The following MPG variants were observed in gnomAD, a reference collection of about 807,000 sequenced individuals.
MPG encodes the protein DNA-3-methyladenine glycosylase.
A neutral mutation model predicts 31.7 loss-of-function variants in MPG; 33 were observed. The ratio of observed to expected loss-of-function variants is 1.04; its 90% confidence interval spans 0.79 to 1.39. The LOEUF (loss-of-function observed/expected upper bound fraction) is 1.39. Ranked by LOEUF, MPG falls within the 40% of genes most tolerant of loss-of-function variation. The pLI, the probability that MPG is intolerant of heterozygous loss-of-function variation, is 0.00. For synonymous variants in MPG, 202 were observed against 169.2 expected (o/e 1.19, Z -1.51); for missense variants, 455 against 415.5 (o/e 1.10, Z -0.83).
intron 2 of MPG, among the ~76,000 whole-genome samples, 181 bp from the exon 3 acceptor site, chr16:82,871 T>G (rs3176417): frequency 6.6e-6 from 1 of 152,072 alleles, no homozygotes; most frequent in Non-Finnish European, 1.5e-5. Flanking sequence ...GTGCCCTCAA[T>G]AGCCACATTC....
chr16:80,978 G>C (rs1212085119), intron 2 of MPG, among the ~76,000 whole-genome samples: 2 of 152,184 alleles, frequency 1.3e-5, no homozygotes, highest in African/African-American at 2.4e-5. Context: ...GAGCCCATTG[G>C]TGGACAAGAT....
In MPG at chr16:81,785, C is replaced by T. The variant is rs373025039; in HGVS notation, c.301-1267C>T. Among the ~76,000 whole-genome samples, 22 of 58,890 alleles carry T rather than the reference C, an allele frequency of 3.7e-4. 3 individuals are homozygous for T. The South Asian group carries it at 0.015, about 41-fold the overall frequency. The allele number at this position is 58,890 out of a possible 152,430, so 38.6% of individuals were successfully genotyped here. A position where few individuals can be genotyped will look rare whatever the true frequency, so the allele number is the denominator to read the frequency against. ...ACCACCCTACCTCCGGGAAGCCCTC[C>T]TGAATGCTCCCGGCGCTGACCCCTT... On this transcript the variant is annotated intron_variant, in intron 2 of 3. Transcript: ENST00000356432.
chr16:80,407 G>C (rs3176398), intron 2 of MPG, among the ~76,000 whole-genome samples: 2,976 of 152,350 alleles, frequency 0.02, 96 homozygotes, highest in African/African-American at 0.068. Context: ...AGAAATACCA[G>C]TGCCAGGAGT....
At chr16:78,517 C>T (rs1036479004) in intron 1 of MPG, among the ~76,000 whole-genome samples, 184 bp downstream of exon 1, 1 of 152,156 alleles carries the variant, frequency 6.6e-6, no homozygotes, top group African/African-American at 2.4e-5. Flanking sequence ...CCGCAGCGCC[C>T]GGGGGCTGAA....
At chr16:78,963 T>C (rs1898164330) in intron 1 of MPG, among the ~76,000 whole-genome samples, 1 of 151,536 alleles carries the variant, frequency 6.6e-6, no homozygotes, top group South Asian at 2.1e-4. Context: ...CACCCCTCCC[T>C]GTGTGTCCGA....
chr16:84,322 AG>A (rs1209411242), intron 3 of MPG: 1 of 152,222 alleles, frequency 6.6e-6, no homozygotes, highest in African/African-American at 2.4e-5. Flanking sequence ...TGGCTGGTTG[AG>A]GGTATCTGCT....
chr16:80,042 C>T (rs1338392739), intron 2 of MPG, among the ~76,000 whole-genome samples: 1 of 152,256 alleles, frequency 6.6e-6, no homozygotes. Flanking sequence ...TGGCTGTGGC[C>T]AGTGTCGGGC....
intron 2 of MPG, among the ~76,000 whole-genome samples, chr16:80,272 G>A (rs1898204930): frequency 6.6e-6 from 1 of 152,250 alleles, no homozygotes; most frequent in Admixed American, 6.5e-5. Flanking sequence ...GAGCGAGGTG[G>A]TGGCGGTGGT....
chr16:83,155 G>A lies in MPG; in HGVS notation c.404G>A (p.Gly135Asp), dbSNP rs975859929. The change falls in exon 3 of 4, where the codon GGC (glycine) becomes GAC (aspartate). Residue 135 changes from glycine to aspartate, a missense_variant. Physicochemically the swap from Gly to Asp is moderately conservative, Grantham distance 94. Transcript: ENST00000356432. The stretch of plus-strand genomic sequence containing the variant: ...GATGAAGCCGCCCACTCAAGGGGTG[G>A]CCGGCAGACCCCCCGCAACCGAGGC... ...PEDEAAHSRG[G>D]RQTPRNRGMF... 3.4e-5 allele frequency: 55 copies of A among 1,613,142 alleles called. No individual in the cohort carries two copies. The highest frequency in any genetic ancestry group is 4.6e-5 in the Non-Finnish European group (54 of 1,179,984).
chr16:83,762 G>C (rs1471925412), intron 3 of MPG, among the ~76,000 whole-genome samples: 2 of 151,386 alleles, frequency 1.3e-5, no homozygotes, highest in East Asian at 3.9e-4. Context: ...AAAAGGAAAG[G>C]AAAAGAAAGG....
chr16:78,473 AGGCCAAG>A (rs1476335570), intron 1 of MPG, 140 bp downstream of exon 1: 6 of 764,856 alleles, frequency 7.8e-6, no homozygotes, highest in African/African-American at 3.7e-5. Flanking sequence ...GCCAGAGCAT[AGGCCAAG>A]GGCCAAGCTC....
At chr16:82,715 G>C (rs574796131) in intron 2 of MPG, among the ~76,000 whole-genome samples, 4 of 152,348 alleles carry the variant, frequency 2.6e-5, no homozygotes, top group African/African-American at 9.6e-5. Flanking sequence ...TGGGAAAGGA[G>C]GAATCTGGGG....
chr16:83,709 C>T (rs3176422), intron 3 of MPG, among the ~76,000 whole-genome samples: 13 of 150,028 alleles, frequency 8.7e-5, no homozygotes, highest in Non-Finnish European at 3.0e-5. Flanking sequence ...CCATTGCACT[C>T]CAGCCTGGGT....
chr16:80,251 G>A (rs1243190055), intron 2 of MPG, among the ~76,000 whole-genome samples: 3 of 152,250 alleles, frequency 2.0e-5, no homozygotes. Context: ...CATCTTGGCT[G>A]GATCTGTTGG....
chr16:81,797 G>A lies in MPG; in HGVS notation c.301-1255G>A, dbSNP rs62032579. Among the ~76,000 whole-genome samples, 2 of 6,724 alleles carry A rather than the reference G, an allele frequency of 3.0e-4. 1 individual carries two copies. The highest frequency in any genetic ancestry group is 5.6e-3 in the East Asian group (2 of 358). 4.4% of individuals were successfully genotyped at this position (6,724 alleles called of 152,430 possible). ...CCGGGAAGCCCTCCTGAATGCTCCC[G>A]GCGCTGACCCCTTCTTCCCACCACC... On this transcript the variant is annotated intron_variant, in intron 2 of 3. Transcript: ENST00000356432.
chr16:83,777 G>A (rs1263499124), intron 3 of MPG, among the ~76,000 whole-genome samples: 1 of 151,980 alleles, frequency 6.6e-6, no homozygotes, highest in Non-Finnish European at 1.5e-5. Context: ...GAAAGGGTTG[G>A]TTGGAGTGGA....
At chr16:81,257 GC>G (rs1378345178) in intron 2 of MPG, among the ~76,000 whole-genome samples, 3 of 152,286 alleles carry the variant, frequency 2.0e-5, no homozygotes, top group Non-Finnish European at 4.4e-5. Flanking sequence ...GGGGTGAGAG[GC>G]CCCAGTATCT....
Position 83,246 on chromosome 16 carries a change from C to T in MPG, c.495C>T (p.Ile165=). 1.9e-6 allele frequency: 3 copies of T among 1,611,478 alleles called. No individual in the cohort carries two copies. Among genetic ancestry groups the T allele is most frequent in the Non-Finnish European group, 2.5e-6 (3 of 1,178,912 alleles). Residue 165 remains isoleucine, a synonymous_variant, in exon 3 of 4, where the codon ATC becomes ATT. Coordinates refer to ENST00000356432, the MANE Select transcript of MPG (RefSeq NM_001015052.3). ...ACGGCATGTACTTCTGCATGAACAT[C>T]TCCAGCCAGGGTGAGCAGTGCTGGG... ...IIYGMYFCMN[I]SSQGDGACVL...
chr16:78,133 C>T, upstream of MPG: 1 of 404,006 alleles, frequency 2.5e-6, no homozygotes, highest in Non-Finnish European at 4.1e-6. Context: ...CCACGTGGCC[C>T]GCCCCGCCCC....
Sources: gnomAD v4.1 joint callset for allele counts (sites outside exome capture counted in the v4.1 genomes callset) on GRCh38, gnomAD v4.1.1 for gene constraint, MANE v1.5 for transcripts, NCBI Gene and HGNC (gene_info 2026-07-23, HGNC 2026-07-21) for gene names.